The following COL24A1 variants were observed in gnomAD, a reference collection of about 807,000 sequenced individuals.
The protein encoded by COL24A1 is collagen type XXIV alpha 1 chain, also known as collagen alpha-1(XXIV) chain.
COL24A1 carries 224 observed loss-of-function variants against 253.9 expected under a neutral mutation model. That is an observed-to-expected ratio of 0.88 (90% confidence interval 0.79 to 0.99). COL24A1 has a LOEUF of 0.99. COL24A1 is among the 50% of genes least tolerant of loss of function. COL24A1 has a pLI of 0.00. For synonymous variants in COL24A1, 685 were observed against 673.7 expected, an observed-to-expected ratio of 1.02 and a Z score of -0.26; for missense variants, 2,131 against 2,068.5, an observed-to-expected ratio of 1.03 and a Z score of -0.59.
At chr1:86,094,004 G>A (rs1032515793) in intron 5 of COL24A1, among the ~76,000 whole-genome samples, 3 of 152,110 alleles carry the variant, frequency 2.0e-5, no homozygotes, top group East Asian at 1.9e-4. Flanking sequence ...TGCTGGTGAC[G>A]TTGCGGAGAA....
intron 58 of COL24A1, 128 bp from the exon 59 acceptor site, chr1:85,735,092 C>T (rs1663909894): frequency 1.3e-6 from 1 of 756,406 alleles, no homozygotes; most frequent in South Asian, 1.8e-5. Context: ...ACTGAAGTGC[C>T]AGTCAGTGGT....
chr1:85,748,147 T>C (rs1665474350), intron 55 of COL24A1, among the ~76,000 whole-genome samples: 1 of 152,238 alleles, frequency 6.6e-6, no homozygotes. Context: ...AATTTCTCAC[T>C]GGCATCAAAT....
At chr1:86,153,047 C>T (rs1652988486) in intron 1 of COL24A1, among the ~76,000 whole-genome samples, 1 of 152,188 alleles carries the variant, frequency 6.6e-6, no homozygotes, top group African/African-American at 2.4e-5. Flanking sequence ...TGTACTCCAA[C>T]CAACTTCATT....
rs1255888378 is a variant in COL24A1, at chr1:86,022,606, T to G, written c.2149-15A>C. 1 of 1,609,210 alleles carries G rather than the reference T, an allele frequency of 6.2e-7. No individual in the cohort carries two copies. Among genetic ancestry groups the G allele is most frequent in the South Asian group, 1.1e-5 (1 of 89,640 alleles). ...CCTTGTTCACCCTGGAAAGCACAAT[T>G]TCATGCAAAGATACTTATGTATCAC... On this transcript the variant is annotated splice_polypyrimidine_tract_variant and intron_variant, in intron 16 of 59. Coordinates refer to ENST00000370571, the MANE Select transcript of COL24A1 (RefSeq NM_152890.7).
intron 51 of COL24A1, 92 bp downstream of exon 51, chr1:85,783,404 A>C (rs935773862): frequency 3.1e-5 from 30 of 982,920 alleles, no homozygotes; most frequent in Non-Finnish European, 4.5e-5. Context: ...TCATTAAGTT[A>C]TTTACTTGAA....
At position 85,775,500 on chromosome 1, in the gene COL24A1, G is replaced by A. The variant is rs935542701; in HGVS notation, c.4374+174C>T. 3.3e-5 allele frequency among the ~76,000 whole-genome samples: 5 copies of A among 152,220 alleles called. No individual in the cohort carries two copies. The East Asian group carries it at 9.7e-4, about 29-fold the overall frequency. ...AAAGTCTCCCATTATTATTGTGTGA[G>A]TCTAAGTCTCTTTTACTGCATCGGT... On this transcript the variant is annotated intron_variant, in intron 53 of 59. Transcript: ENST00000370571.
intron 5 of COL24A1, among the ~76,000 whole-genome samples, chr1:86,097,842 G>T (rs773774758): frequency 4.6e-5 from 7 of 151,868 alleles, no homozygotes; most frequent in Non-Finnish European, 1.0e-4. Flanking sequence ...TTCTAGCTAT[G>T]GCATGTCCCC....
intron 6 of COL24A1, among the ~76,000 whole-genome samples, chr1:86,091,490 T>C (rs1703486931): frequency 6.6e-6 from 1 of 152,096 alleles, no homozygotes; most frequent in South Asian, 2.1e-4. Context: ...AGTTTGTGAA[T>C]GTATACTACA....
chr1:86,008,526 T>C (rs931709509), intron 19 of COL24A1, among the ~76,000 whole-genome samples: 1 of 152,170 alleles, frequency 6.6e-6, no homozygotes, highest in African/African-American at 2.4e-5. Context: ...ATATGAATAT[T>C]TTAATCTTCA....
chr1:86,034,698 A>G (rs1022461632), intron 12 of COL24A1, among the ~76,000 whole-genome samples: 4 of 152,178 alleles, frequency 2.6e-5, no homozygotes, highest in Non-Finnish European at 5.9e-5. Context: ...CCAAATGCCT[A>G]TTGAGAATTC....
intron 45 of COL24A1, among the ~76,000 whole-genome samples, chr1:85,822,661 A>G (rs533759987): frequency 6.6e-6 from 1 of 152,248 alleles, no homozygotes; most frequent in South Asian, 2.1e-4. Context: ...TCCTATGACA[A>G]TGATTCTTTG....
At chr1:86,023,061 G>T in intron 14 of COL24A1, 54 bp from the exon 15 acceptor site, 4 of 1,534,616 alleles carry the variant, frequency 2.6e-6, no homozygotes, top group Non-Finnish European at 3.6e-6. Flanking sequence ...GGATTAGAAA[G>T]AAAATGTGGC....
intron 7 of COL24A1, among the ~76,000 whole-genome samples, chr1:86,077,700 A>T (rs1702351933): frequency 6.6e-6 from 1 of 152,206 alleles, no homozygotes; most frequent in African/African-American, 2.4e-5. Flanking sequence ...GACATGGATG[A>T]AGCTGGAAAC....
intron 4 of COL24A1, among the ~76,000 whole-genome samples, chr1:86,114,345 T>C (rs986581677): frequency 6.6e-6 from 1 of 152,224 alleles, no homozygotes; most frequent in African/African-American, 2.4e-5. Context: ...ATGGAGATTC[T>C]GAACCTGAAG....
At chr1:86,110,816 A>C (rs868727525) in intron 5 of COL24A1, among the ~76,000 whole-genome samples, 35 of 149,832 alleles carry the variant, frequency 2.3e-4, no homozygotes, top group East Asian at 1.4e-3. Flanking sequence ...ACCATGCCCG[A>C]CCCCCGCCCC....
chr1:86,115,624 T>A (rs576088571), intron 3 of COL24A1, among the ~76,000 whole-genome samples: 2 of 152,176 alleles, frequency 1.3e-5, no homozygotes, highest in Admixed American at 1.3e-4. Context: ...AGCCACCGTA[T>A]CTGGTTTTTA....
chr1:85,738,560 G>A (rs140311103), intron 57 of COL24A1, among the ~76,000 whole-genome samples: 1 of 152,284 alleles, frequency 6.6e-6, no homozygotes, highest in Non-Finnish European at 1.5e-5. Context: ...TAGACTGAGA[G>A]TATTAAAATA....
intron 19 of COL24A1, among the ~76,000 whole-genome samples, chr1:85,998,062 T>G (rs760999973): frequency 4.6e-5 from 7 of 152,186 alleles, no homozygotes; most frequent in Non-Finnish European, 8.8e-5. Flanking sequence ...TGATTTTATT[T>G]GCCAATTCTG....
chr1:86,118,985 G>A (rs148935611), intron 3 of COL24A1, among the ~76,000 whole-genome samples: 16 of 152,274 alleles, frequency 1.1e-4, no homozygotes, highest in Middle Eastern at 6.8e-3. Context: ...TCAGGATACA[G>A]AGTTTGAGTT....
Sources: gnomAD v4.1 joint callset for allele counts (sites outside exome capture counted in the v4.1 genomes callset) on GRCh38, gnomAD v4.1.1 for gene constraint, MANE v1.5 for transcripts, NCBI Gene and HGNC (gene_info 2026-07-23, HGNC 2026-07-21) for gene names.